MBTD1: variants seen among roughly 807,000 people sequenced by gnomAD.
MBTD1 encodes the protein MBT domain-containing protein 1.
A neutral mutation model predicts 87.8 loss-of-function variants in MBTD1; 24 were observed. That is an observed-to-expected ratio of 0.27 (90% confidence interval 0.20 to 0.38). The LOEUF is 0.38. MBTD1 is among the 10% of genes least tolerant of loss of function. The pLI is 1.00. For synonymous variants in MBTD1, 237 were observed against 248.6 expected (o/e 0.95, Z 0.44); for missense variants, 436 against 760.2 (o/e 0.57, Z 5.02).
Position 51,202,948 on chromosome 17 carries a change from C to T in MBTD1, c.829-13G>A, listed in dbSNP as rs747301850. The T allele has an allele frequency of 1.9e-6, 3 of 1,584,606 alleles. No individual in the cohort carries two copies. In the South Asian group the frequency reaches 3.4e-5, roughly 18 times the overall value. On this transcript the variant is annotated splice_polypyrimidine_tract_variant and intron_variant, in intron 9 of 16. Transcript: ENST00000586178. ...TACTCTCTGAAACCTTAAAAGCATA[C>T]AAAAAAAACTGCTCGAAATTCATGA...
At chr17:51,211,584 T>C (rs16949702) in intron 6 of MBTD1, among the ~76,000 whole-genome samples, 15,479 of 151,638 alleles carry the variant, frequency 0.1, 1,591 homozygotes, top group African/African-American at 0.26. Context: ...GTTTATTTCA[T>C]GGCAACACTC....
intron 2 of MBTD1, among the ~76,000 whole-genome samples, chr17:51,226,260 C>T (rs752672795): frequency 2.0e-5 from 3 of 150,852 alleles, no homozygotes; most frequent in Non-Finnish European, 3.0e-5. Flanking sequence ...TCCTATAATC[C>T]CAGCACTTTG....
At chr17:51,232,701 G>A in intron 2 of MBTD1, among the ~76,000 whole-genome samples, 1 of 151,950 alleles carries the variant, frequency 6.6e-6, no homozygotes, top group East Asian at 1.9e-4. Flanking sequence ...ATGGAGAAAG[G>A]CAATGTTGAA....
chr17:51,260,475 G>C, upstream of MBTD1: 1 of 1,212,708 alleles, frequency 8.2e-7, no homozygotes, highest in Admixed American at 2.8e-5. Flanking sequence ...AAGAGGCTGC[G>C]CAGGCTCCTT....
intron 2 of MBTD1, among the ~76,000 whole-genome samples, chr17:51,254,032 A>T (rs532730460): frequency 1.3e-5 from 2 of 152,326 alleles, no homozygotes; most frequent in Admixed American, 6.5e-5. Flanking sequence ...AAGTCAACCA[A>T]TTCTTCATTA....
At chr17:51,260,585 A>C (rs892273823), upstream of MBTD1, 2 of 1,611,622 alleles carry the variant, frequency 1.2e-6, no homozygotes, top group East Asian at 2.2e-5. Context: ...AAACCTAACG[A>C]TGCCGCCGGA....
intron 16 of MBTD1, among the ~76,000 whole-genome samples, chr17:51,189,687 C>A (rs1048312326): frequency 6.6e-5 from 10 of 152,174 alleles, no homozygotes; most frequent in African/African-American, 2.4e-4. Context: ...AATTTGACAT[C>A]TTGGAAAGAA....
intron 2 of MBTD1, among the ~76,000 whole-genome samples, chr17:51,227,234 T>C (rs2053273365): frequency 1.1e-5 from 1 of 91,824 alleles, no homozygotes; most frequent in Non-Finnish European, 2.1e-5. Context: ...AGAGCGAGAC[T>C]CTGTCTCCAA....
chr17:51,260,514 C>G (rs2055413105), upstream of MBTD1: 1 of 1,475,000 alleles, frequency 6.8e-7, no homozygotes, highest in Non-Finnish European at 9.0e-7. Flanking sequence ...GCGGCGGCGG[C>G]CCGCGAGGGG....
At chr17:51,244,170 A>G (rs1222231413) in intron 2 of MBTD1, among the ~76,000 whole-genome samples, 1 of 152,212 alleles carries the variant, frequency 6.6e-6, no homozygotes, top group Non-Finnish European at 1.5e-5. Flanking sequence ...GCATCTAATG[A>G]TAACTTGTGC....
At chr17:51,209,587 C>A (rs2052050830) in intron 6 of MBTD1, among the ~76,000 whole-genome samples, 1 of 152,206 alleles carries the variant, frequency 6.6e-6, no homozygotes. Context: ...CCCAGATGGT[C>A]CAACAGCTCA....
chr17:51,188,314 A>C (rs1254180559), intron 16 of MBTD1, among the ~76,000 whole-genome samples: 2 of 152,228 alleles, frequency 1.3e-5, no homozygotes, highest in Non-Finnish European at 2.9e-5. Context: ...ACTTATTCTC[A>C]AAAGTGTCAG....
At chr17:51,187,662 C>T (rs2050601203) in intron 16 of MBTD1, among the ~76,000 whole-genome samples, 1 of 151,866 alleles carries the variant, frequency 6.6e-6, no homozygotes, top group African/African-American at 2.4e-5. Context: ...CCAGCCTGGC[C>T]AACATAGTGA....
At chr17:51,260,687 C>T (rs1370122031), upstream of MBTD1, 4 of 1,608,094 alleles carry the variant, frequency 2.5e-6, no homozygotes, top group Non-Finnish European at 8.5e-7. Context: ...CGGAGCGGGG[C>T]CAGGCGGGCC....
At chr17:51,249,433 CTG>C (rs749252595) in intron 2 of MBTD1, 2 of 152,122 alleles carry the variant, frequency 1.3e-5, no homozygotes, top group African/African-American at 2.4e-5. Flanking sequence ...CAGATTGTTG[CTG>C]TGTTATGTGG....
At position 51,252,269 on chromosome 17, in the gene MBTD1, A is replaced by G. The variant is rs2054830804; in HGVS notation, c.-49+6874T>C. On this transcript the variant is annotated intron_variant, in intron 2 of 16. Coordinates refer to ENST00000586178, the MANE Select transcript of MBTD1 (RefSeq NM_017643.3). ...AGATCATATAACCACCATGAACACT[A>G]ATAATATGAATCATGGGACTATCTT... is the stretch of plus-strand genomic sequence containing the variant. Among the ~76,000 whole-genome samples the G allele has an allele frequency of 2.0e-5, 3 of 152,178 alleles. No individual in the cohort carries two copies. The South Asian group carries it at 6.2e-4, about 31-fold the overall frequency.
At chr17:51,233,780 A>G (rs911287570) in intron 2 of MBTD1, among the ~76,000 whole-genome samples, 4 of 152,192 alleles carry the variant, frequency 2.6e-5, no homozygotes, top group Non-Finnish European at 5.9e-5. Context: ...ATGCATCATT[A>G]TAACAATTCA....
chr17:51,252,666 G>A (rs1239458728), intron 2 of MBTD1, among the ~76,000 whole-genome samples: 3 of 151,736 alleles, frequency 2.0e-5, no homozygotes, highest in Admixed American at 6.6e-5. Context: ...CCCGGGAGGC[G>A]AAGGTTGCAG....
chr17:51,226,484 C>CAG (rs1210513450), intron 2 of MBTD1, among the ~76,000 whole-genome samples: 3 of 151,350 alleles, frequency 2.0e-5, no homozygotes, highest in Admixed American at 6.6e-5. Flanking sequence ...GCCTGTGTGA[C>CAG]AGAGAGAGAC....
Sources: gnomAD v4.1 joint callset for allele counts (sites outside exome capture counted in the v4.1 genomes callset) on GRCh38, gnomAD v4.1.1 for gene constraint, MANE v1.5 for transcripts, NCBI Gene and HGNC (gene_info 2026-07-23, HGNC 2026-07-21) for gene names.